The following CREBRF variants were observed in gnomAD, a reference collection of about 807,000 sequenced individuals.
The protein encoded by CREBRF is CREB3 regulatory factor, also known as UPF0474 protein C5orf41.
In CREBRF, 5 loss-of-function variants were observed where a neutral mutation model predicts 66.1. The ratio of observed to expected loss-of-function variants is 0.08; its 90% CI spans 0.04 to 0.16. The LOEUF (loss-of-function observed/expected upper bound fraction) is 0.16. Among genes scored for constraint, CREBRF ranks in the 10% least tolerant of loss-of-function variants. The pLI is 1.00. For synonymous variants in CREBRF, 229 were observed against 264.4 expected (o/e 0.87, Z 1.30); for missense variants, 531 against 744.9 (o/e 0.71, Z 3.34).
chr5:173,129,186 G>A (rs1217222092), intron 8 of CREBRF, among the ~76,000 whole-genome samples: 1 of 130,418 alleles, frequency 7.7e-6, no homozygotes, highest in Non-Finnish European at 1.5e-5. Flanking sequence ...GCGCGATCTC[G>A]GCTCACTGCA....
chr5:173,087,477 C>T (rs563644354), intron 3 of CREBRF, among the ~76,000 whole-genome samples: 61 of 151,818 alleles, frequency 4.0e-4, no homozygotes, highest in African/African-American at 1.4e-3. Flanking sequence ...GCGGGCGGAT[C>T]ATGAGGTCAG....
intron 7 of CREBRF, among the ~76,000 whole-genome samples, chr5:173,114,519 A>T (rs984336102): frequency 2.0e-5 from 3 of 152,258 alleles, no homozygotes; most frequent in Non-Finnish European, 4.4e-5. Flanking sequence ...ATAATTTCAT[A>T]TAAGGAAGGA....
intron 2 of CREBRF, chr5:173,086,151 A>T (rs1416198527): frequency 6.4e-6 from 5 of 783,306 alleles, no homozygotes; most frequent in Non-Finnish European, 1.2e-5. Flanking sequence ...GTAGGATATC[A>T]GGAGACATGT....
intron 8 of CREBRF, among the ~76,000 whole-genome samples, chr5:173,126,215 C>T (rs1759271085): frequency 6.6e-6 from 1 of 151,924 alleles, no homozygotes; most frequent in Non-Finnish European, 1.5e-5. Context: ...ATCTTGGCTC[C>T]CTGCAGCCTC....
Position 173,134,413 on chromosome 5 carries a change from C to A in CREBRF, c.*668C>A. 9.3e-6 allele frequency: 3 copies of A among 322,362 alleles called. No homozygotes were observed. Among genetic ancestry groups the A allele is most frequent in the Non-Finnish European group, 1.2e-5 (2 of 162,280 alleles). The allele number at this position is 322,362 out of a possible 1,614,324, so 20.0% of individuals were successfully genotyped here. A position where few individuals can be genotyped will look rare whatever the true frequency, so the allele number is the denominator to read the frequency against. ...TGATGAAAACCCTAATGAGAAAAAA[C>A]AAGATATATAGATGGAAAAATTATG... On this transcript the variant is annotated 3_prime_UTR_variant, in exon 9 of 9. Coordinates refer to ENST00000296953, the MANE Select transcript of CREBRF (RefSeq NM_153607.3).
chr5:173,112,927 A>C (rs1254252840), intron 7 of CREBRF, among the ~76,000 whole-genome samples: 1 of 152,204 alleles, frequency 6.6e-6, no homozygotes, highest in Non-Finnish European at 1.5e-5. Context: ...TTCTCTGCAG[A>C]TCTTCTGAAT....
intron 1 of CREBRF, among the ~76,000 whole-genome samples, chr5:173,058,568 C>T (rs1343136162): frequency 6.6e-6 from 1 of 151,806 alleles, no homozygotes; most frequent in African/African-American, 2.4e-5. Context: ...ACTGCAAGCT[C>T]CGCCTCCCGG....
Position 173,090,782 on chromosome 5 carries a change from C to G in CREBRF, c.603C>G (p.Val201=), listed in dbSNP as rs1454375594. 1.9e-6 allele frequency: 3 copies of G among 1,613,944 alleles called. No homozygotes were observed. Among genetic ancestry groups the G allele is most frequent in the Non-Finnish European group, 2.5e-6 (3 of 1,180,028 alleles). Residue 201 remains valine, a synonymous_variant, in exon 4 of 9, where the codon GTC becomes GTG. Transcript: ENST00000296953. The surrounding 1 kb of genome is among the most constrained non-coding windows in gnomAD (Gnocchi z 4.5). ...CTGAGGTCCCTTTGTCAGACTGTGT[C>G]CAAAAAGCAAGTAAACCCACTTCAA... The part of the protein sequence containing the change: ...LQAEVPLSDC[V]QKASKPTSST...
intron 1 of CREBRF, among the ~76,000 whole-genome samples, chr5:173,070,933 G>T (rs1053661506): frequency 6.6e-6 from 1 of 152,044 alleles, no homozygotes; most frequent in Non-Finnish European, 1.5e-5. Context: ...ATGACTGCTC[G>T]GAAGGGCATT....
At chr5:173,124,231 C>T (rs1000977155) in intron 8 of CREBRF, 9 of 152,152 alleles carry the variant, frequency 5.9e-5, no homozygotes, top group African/African-American at 2.2e-4. Context: ...ATATGAGTCT[C>T]CATTTTCTTT....
intron 1 of CREBRF, among the ~76,000 whole-genome samples, chr5:173,062,680 C>A (rs1388851432): frequency 6.7e-6 from 1 of 149,292 alleles, no homozygotes; most frequent in Non-Finnish European, 1.5e-5. Context: ...TTATTTCATA[C>A]AGGTTTGGGA....
chr5:173,056,816 T>G (rs911268610), intron 1 of CREBRF, among the ~76,000 whole-genome samples: 3 of 151,258 alleles, frequency 2.0e-5, no homozygotes, highest in Non-Finnish European at 3.0e-5. Flanking sequence ...CGCCCGGCCC[T>G]TCCCCGCTGC....
At chr5:173,089,357 T>C (rs1334220130) in intron 3 of CREBRF, among the ~76,000 whole-genome samples, 2 of 152,094 alleles carry the variant, frequency 1.3e-5, no homozygotes. Context: ...TTTCCATGCA[T>C]ATGTAAACAT....
At chr5:173,065,232 A>G (rs1757399525) in intron 1 of CREBRF, among the ~76,000 whole-genome samples, 1 of 152,202 alleles carries the variant, frequency 6.6e-6, no homozygotes. Context: ...TTTGAAGATT[A>G]GTGAAGGAGG....
intron 3 of CREBRF, among the ~76,000 whole-genome samples, chr5:173,089,970 C>G (rs1055447812): frequency 6.6e-6 from 1 of 152,066 alleles, no homozygotes; most frequent in Admixed American, 6.6e-5. Context: ...CTAAGGAGAT[C>G]CCAAAATCCT....
chr5:173,091,914 G>A (rs951578161), intron 4 of CREBRF: 49 of 370,200 alleles, frequency 1.3e-4, no homozygotes, highest in Non-Finnish European at 1.8e-4. Flanking sequence ...GCGAAACCCT[G>A]TCTCTACTAA....
chr5:173,136,298 CTTAAG>C lies in CREBRF; in HGVS notation c.*2558_*2562del, dbSNP rs1478401021. On this transcript the variant is annotated 3_prime_UTR_variant, in exon 9 of 9. Coordinates refer to ENST00000296953, the MANE Select transcript of CREBRF (RefSeq NM_153607.3). Reference sequence around the variant, plus strand: ...GAGTTTCAGTGTTTTATATGTACTACTTAAGTTAAATAGTTAAAAGCTTTTAAATA... The same window carrying C: ...GAGTTTCAGTGTTTTATATGTACTACTTAAATAGTTAAAAGCTTTTAAATA... The C allele has an allele frequency of 3.3e-5, 5 of 151,432 alleles. No individual in the cohort carries two copies. Among genetic ancestry groups the C allele is most frequent in the Non-Finnish European group, 3.0e-5 (2 of 67,760 alleles). The allele number at this position is 151,432 out of a possible 1,614,324, so 9.4% of individuals were successfully genotyped here.
intron 1 of CREBRF, among the ~76,000 whole-genome samples, chr5:173,069,942 G>C (rs1232460346): frequency 6.6e-6 from 1 of 151,306 alleles, no homozygotes; most frequent in Non-Finnish European, 1.5e-5. Context: ...CTCTCTTGTA[G>C]TCTAGGCTGG....
chr5:173,073,444 A>G (rs1377962329), intron 1 of CREBRF, among the ~76,000 whole-genome samples: 1 of 152,236 alleles, frequency 6.6e-6, no homozygotes, highest in Non-Finnish European at 1.5e-5. Flanking sequence ...ACACAGATAC[A>G]TACAAACTGA....
Sources: allele counts gnomAD v4.1 joint callset (sites outside exome capture counted in the v4.1 genomes callset), GRCh38; gene constraint gnomAD v4.1.1; non-coding constraint Gnocchi (gnomAD v3.1); transcripts MANE v1.5; gene names NCBI Gene and HGNC (gene_info 2026-07-23, HGNC 2026-07-21).